Variants in DIS3L2 observed in about 807,000 individuals in gnomAD.
DIS3L2 encodes the protein DIS3-like exonuclease 2.
A neutral mutation model predicts 97.5 loss-of-function variants in DIS3L2; 34 were observed. That is an observed-to-expected ratio of 0.35 (90% CI 0.27 to 0.46). The LOEUF is 0.46. Among genes scored for constraint, DIS3L2 ranks in the 20% least tolerant of loss-of-function variants. The pLI, the probability that DIS3L2 is intolerant of heterozygous loss-of-function variation, is 1.00. For missense variants in DIS3L2, 1,038 were observed against 1,146.0 expected (o/e 0.91, Z 1.36); for synonymous variants, 435 against 445.2 (o/e 0.98, Z 0.29).
At chr2:231,962,717 G>C (rs1412317511) in intron 1 of DIS3L2, among the ~76,000 whole-genome samples, 1 of 152,142 alleles carries the variant, frequency 6.6e-6, no homozygotes, top group Non-Finnish European at 1.5e-5. Flanking sequence ...TTACAGGCGT[G>C]AGCCACCGCA....
At chr2:232,176,381 CA>C (rs1691152694) in intron 9 of DIS3L2, among the ~76,000 whole-genome samples, 1 of 152,112 alleles carries the variant, frequency 6.6e-6, no homozygotes, top group South Asian at 2.1e-4. Flanking sequence ...CAGGGTTTGT[CA>C]ATTTTGTTGA....
intron 9 of DIS3L2, among the ~76,000 whole-genome samples, chr2:232,188,773 A>G (rs1268506204): frequency 6.6e-6 from 1 of 152,140 alleles, no homozygotes; most frequent in South Asian, 2.1e-4. Flanking sequence ...GATGCTGTTA[A>G]GAAAAGAAAA....
In DIS3L2 at chr2:232,337,063, C is replaced by G; in HGVS notation, c.*433C>G. ...AAGGGACCCAGTTCAGGCTTCACCC[C>G]TCGCTGCTGAGCCGATGTCAACACC... is the stretch of plus-strand genomic sequence containing the variant. On this transcript the variant is annotated 3_prime_UTR_variant, in exon 21 of 21. Coordinates refer to ENST00000325385, the MANE Select transcript of DIS3L2 (RefSeq NM_152383.5). The G allele has an allele frequency of 9.6e-7, 1 of 1,044,594 alleles. No homozygotes were observed. Among genetic ancestry groups the G allele is most frequent in the African/African-American group, 1.7e-5 (1 of 57,732 alleles). 64.7% of individuals were successfully genotyped at this position (1,044,594 alleles called of 1,614,324 possible).
chr2:232,240,362 G>A (rs1693047702), intron 11 of DIS3L2, among the ~76,000 whole-genome samples: 1 of 152,238 alleles, frequency 6.6e-6, no homozygotes, highest in South Asian at 2.1e-4. Flanking sequence ...TCCCAGAAGT[G>A]AGAATAGTGA....
intron 10 of DIS3L2, among the ~76,000 whole-genome samples, chr2:232,230,909 C>T (rs1328210857): frequency 3.9e-5 from 6 of 152,076 alleles, no homozygotes; most frequent in Admixed American, 1.3e-4. Flanking sequence ...AGCAAGCTTG[C>T]GCCCACCCCC....
At chr2:232,267,444 T>G (rs1303990208) in intron 13 of DIS3L2, among the ~76,000 whole-genome samples, 1 of 152,216 alleles carries the variant, frequency 6.6e-6, no homozygotes, top group Non-Finnish European at 1.5e-5. Flanking sequence ...GTTGGATGGG[T>G]TGAGTAATAC....
chr2:232,237,721 G>A (rs1351958163), intron 10 of DIS3L2, among the ~76,000 whole-genome samples: 1 of 151,358 alleles, frequency 6.6e-6, no homozygotes. Context: ...AGACAGACAG[G>A]TGGAGGAAAT....
intron 6 of DIS3L2, among the ~76,000 whole-genome samples, chr2:232,123,936 G>T (rs1194813480): frequency 1.3e-5 from 2 of 152,174 alleles, no homozygotes; most frequent in Non-Finnish European, 2.9e-5. Flanking sequence ...TCTTGAATTG[G>T]TTTAAGGACT....
At chr2:231,967,967 A>T (rs187986422) in intron 1 of DIS3L2, among the ~76,000 whole-genome samples, 1 of 152,300 alleles carries the variant, frequency 6.6e-6, no homozygotes, top group Non-Finnish European at 1.5e-5. Flanking sequence ...TCTAAAGTGT[A>T]CAGTTTGTTA....
At chr2:232,241,958 T>G (rs1693113246) in intron 11 of DIS3L2, among the ~76,000 whole-genome samples, 1 of 152,240 alleles carries the variant, frequency 6.6e-6, no homozygotes, top group South Asian at 2.1e-4. Context: ...CTCTACGATA[T>G]TTTATTGGTA....
chr2:232,137,192 A>AC (rs1698384266), intron 8 of DIS3L2, among the ~76,000 whole-genome samples: 1 of 152,160 alleles, frequency 6.6e-6, no homozygotes, highest in African/African-American at 2.4e-5. Context: ...GGCATTAAAA[A>AC]CTACCCTATT....
At chr2:232,257,432 G>A (rs1693595509) in intron 12 of DIS3L2, among the ~76,000 whole-genome samples, 1 of 151,992 alleles carries the variant, frequency 6.6e-6, no homozygotes, top group African/African-American at 2.4e-5. Flanking sequence ...TCTCACTGCC[G>A]GGCTGCCCCT....
At chr2:232,275,953 T>C (rs750435906) in intron 13 of DIS3L2, among the ~76,000 whole-genome samples, 4 of 152,132 alleles carry the variant, frequency 2.6e-5, no homozygotes, top group Non-Finnish European at 5.9e-5. Flanking sequence ...CAGTTAGAAA[T>C]GTGGGAACTG....
At chr2:232,288,301 T>A (rs1694500076) in intron 13 of DIS3L2, among the ~76,000 whole-genome samples, 1 of 152,248 alleles carries the variant, frequency 6.6e-6, no homozygotes, top group Admixed American at 6.5e-5. Flanking sequence ...TCACTGCCAC[T>A]TGGTTCTCAT....
intron 20 of DIS3L2, chr2:232,336,162 A>G: frequency 3.9e-6 from 6 of 1,533,448 alleles, no homozygotes; most frequent in Non-Finnish European, 5.3e-6. Flanking sequence ...GAACCTGATG[A>G]AAGCTATGAG....
At chr2:231,964,158 GT>G (rs1692643930) in intron 1 of DIS3L2, among the ~76,000 whole-genome samples, 1 of 152,136 alleles carries the variant, frequency 6.6e-6, no homozygotes, top group Non-Finnish European at 1.5e-5. Flanking sequence ...TTTTTTGTCA[GT>G]TTGTTGAAGA....
At position 232,306,025 on chromosome 2, in the gene DIS3L2, G is replaced by C. The variant is rs537075444; in HGVS notation, c.1739+5906G>C. On this transcript the variant is annotated intron_variant, in intron 14 of 20. Coordinates refer to ENST00000325385, the MANE Select transcript of DIS3L2 (RefSeq NM_152383.5). ...GGGAGTTCCACATACTGTGGGTTGTGGATGTGTTATCTTATCACTTTTGCA... is the reference window on the plus strand; with the variant it reads ...GGGAGTTCCACATACTGTGGGTTGTCGATGTGTTATCTTATCACTTTTGCA... 1.7e-4 allele frequency among the ~76,000 whole-genome samples: 26 copies of C among 152,258 alleles called. No individual in the cohort carries two copies. The East Asian group carries it at 2.7e-3, about 16-fold the overall frequency.
chr2:232,311,709 A>G (rs1695139829), intron 14 of DIS3L2, among the ~76,000 whole-genome samples: 1 of 152,190 alleles, frequency 6.6e-6, no homozygotes, highest in South Asian at 2.1e-4. Context: ...TATAAATGGA[A>G]TTATTTACTA....
chr2:232,343,458 ATG>A lies in DIS3L2; in HGVS notation c.1698_1699del (p.Cys566Ter), dbSNP rs1696159273. On this transcript the variant is annotated frameshift_variant, in exon 14 of 14. Transcript: ENST00000273009. LOFTEE classifies it high-confidence loss of function. ...AACGCCTGCCTGAGACTCGGGGCAT[ATG>A]TGACAGGGATCCAGACACACGACTG... is the stretch of plus-strand genomic sequence containing the variant. 1.3e-6 allele frequency: 2 copies of A among 1,555,962 alleles called. No individual in the cohort carries two copies. Among genetic ancestry groups the A allele is most frequent in the Admixed American group, 1.9e-5 (1 of 51,398 alleles).
Sources: allele counts gnomAD v4.1 joint callset (sites outside exome capture counted in the v4.1 genomes callset), GRCh38; gene constraint gnomAD v4.1.1; transcripts MANE v1.5; gene names NCBI Gene and HGNC (gene_info 2026-07-23, HGNC 2026-07-21).